Variants in MOCOS observed in about 807,000 individuals in gnomAD.
MOCOS encodes molybdenum cofactor sulfurase, also known as human molybdenum cofactor sulfurase.
A neutral mutation model predicts 83.6 loss-of-function variants in MOCOS; 86 were observed. That is an observed-to-expected ratio of 1.03 (90% CI 0.86 to 1.23). MOCOS has a LOEUF of 1.23. Ranked by LOEUF, MOCOS falls within the 50% of genes most tolerant of loss-of-function variation. The probability of loss-of-function intolerance (pLI) is 0.00; values close to 1 mark genes in which losing one functional copy is unlikely to be tolerated. For synonymous variants in MOCOS, 445 were observed against 434.7 expected (o/e 1.02, Z -0.29); for missense variants, 1,120 against 1,126.9 (o/e 0.99, Z 0.09).
chr18:36,254,595 G>A (rs1186869545), intron 11 of MOCOS, among the ~76,000 whole-genome samples: 5 of 148,692 alleles, frequency 3.4e-5, no homozygotes, highest in Admixed American at 3.4e-4. Flanking sequence ...ATGTGTGTGT[G>A]TATATATATA....
At chr18:36,210,538 T>G (rs2091450795) in intron 6 of MOCOS, among the ~76,000 whole-genome samples, 2 of 152,100 alleles carry the variant, frequency 1.3e-5, no homozygotes, top group Admixed American at 1.3e-4. Flanking sequence ...ATTGGTAACA[T>G]AAGTTTTATT....
intron 9 of MOCOS, among the ~76,000 whole-genome samples, chr18:36,243,749 CTTTT>C (rs1010990277): frequency 2.6e-5 from 4 of 152,032 alleles, no homozygotes; most frequent in African/African-American, 9.7e-5. Flanking sequence ...TGGTCCTGGA[CTTTT>C]TTTATGTTGG....
Position 36,214,829 on chromosome 18 carries a change from G to A in MOCOS, c.1336-687G>A, listed in dbSNP as rs377725553. 1.8e-4 allele frequency among the ~76,000 whole-genome samples: 27 copies of A among 152,302 alleles called. No individual in the cohort carries two copies. In the East Asian group the frequency reaches 3.5e-3, roughly 20 times the overall value. On this transcript the variant is annotated intron_variant, in intron 7 of 14. Coordinates refer to ENST00000261326, the MANE Select transcript of MOCOS (RefSeq NM_017947.4). ...GATAGAATATTTGGTCCTATGGAACGCTGTGGCTCCATTTGTTCGGGTGTC... is the reference window on the plus strand; with the variant it reads ...GATAGAATATTTGGTCCTATGGAACACTGTGGCTCCATTTGTTCGGGTGTC...
chr18:36,266,727 T>A (rs1239857995), intron 13 of MOCOS, 22 bp from the exon 14 acceptor site: 1 of 1,607,302 alleles, frequency 6.2e-7, no homozygotes, highest in Non-Finnish European at 8.5e-7. Flanking sequence ...GGCAACGCTG[T>A]GTTTTCCTTC....
intron 1 of MOCOS, among the ~76,000 whole-genome samples, chr18:36,194,229 ATATG>A (rs2091377918): frequency 6.6e-6 from 1 of 152,158 alleles, no homozygotes; most frequent in African/African-American, 2.4e-5. Context: ...AATTTTATGA[ATATG>A]TTAAAAACCA....
At chr18:36,255,456 C>T (rs1369912693) in intron 11 of MOCOS, among the ~76,000 whole-genome samples, 1 of 152,172 alleles carries the variant, frequency 6.6e-6, no homozygotes, top group Non-Finnish European at 1.5e-5. Flanking sequence ...CTTTTATTTT[C>T]TCAGCTCGGA....
Position 36,198,749 on chromosome 18 carries a change from C to A in MOCOS, c.292C>A (p.Arg98Ser), listed in dbSNP as rs771446328. The A allele has an allele frequency of 2.5e-6, 4 of 1,614,102 alleles. No homozygotes were observed. Among genetic ancestry groups the A allele is most frequent in the Non-Finnish European group, 3.4e-6 (4 of 1,179,986 alleles). The change falls in exon 3 of 15, where the codon CGC becomes AGC. Residue 98 changes from arginine (R) to serine (S), a missense_variant. Arg to Ser is a moderately radical substitution (Grantham distance 110). Transcript: ENST00000261326. The part of the protein sequence containing the change: ...KLTHDTVEQV[R>S]YRILAHFHTT... ...CACCCATGACACTGTGGAGCAGGTG[C>A]GCTACAGGTAAGCATCAGGGACACC...
chr18:36,264,795 G>A (rs1404717614), intron 13 of MOCOS, among the ~76,000 whole-genome samples: 1 of 151,960 alleles, frequency 6.6e-6, no homozygotes, highest in African/African-American at 2.4e-5. Flanking sequence ...TTAGAGCTTT[G>A]TACAGTGCCA....
intron 9 of MOCOS, among the ~76,000 whole-genome samples, chr18:36,227,078 T>C (rs1363015020): frequency 6.6e-6 from 1 of 151,862 alleles, no homozygotes; most frequent in Non-Finnish European, 1.5e-5. Flanking sequence ...CTGGCTAATT[T>C]TTGTATTTTT....
chr18:36,228,476 T>A (rs1000686519), intron 9 of MOCOS, among the ~76,000 whole-genome samples: 1 of 152,142 alleles, frequency 6.6e-6, no homozygotes, highest in Non-Finnish European at 1.5e-5. Context: ...GTGGTACATA[T>A]ACACCATGGA....
intron 13 of MOCOS, among the ~76,000 whole-genome samples, chr18:36,264,159 A>G (rs986274565): frequency 2.0e-5 from 3 of 152,174 alleles, no homozygotes; most frequent in Admixed American, 2.0e-4. Context: ...AGTCTGGGTG[A>G]TAAGAGTGAA....
At chr18:36,240,292 G>T (rs1794337512) in intron 9 of MOCOS, among the ~76,000 whole-genome samples, 2 of 118,820 alleles carry the variant, frequency 1.7e-5, no homozygotes, top group Non-Finnish European at 3.4e-5. Flanking sequence ...TTTGATGATG[G>T]TGATGTACAG....
chr18:36,242,159 C>G (rs1187177528), intron 9 of MOCOS, among the ~76,000 whole-genome samples: 5 of 152,188 alleles, frequency 3.3e-5, no homozygotes. Flanking sequence ...GTGAATTTTC[C>G]AAACTCTTAT....
At chr18:36,202,642 C>T (rs2091418832) in intron 4 of MOCOS, among the ~76,000 whole-genome samples, 1 of 152,176 alleles carries the variant, frequency 6.6e-6, no homozygotes, top group African/African-American at 2.4e-5. Context: ...TAATAGATTA[C>T]AGCGGTATTA....
At chr18:36,219,584 C>A (rs2091488219) in intron 8 of MOCOS, among the ~76,000 whole-genome samples, 1 of 152,084 alleles carries the variant, frequency 6.6e-6, no homozygotes, top group Admixed American at 6.6e-5. Flanking sequence ...GAGGCTGAGG[C>A]AGGAGAATAG....
intron 1 of MOCOS, among the ~76,000 whole-genome samples, chr18:36,191,888 A>C (rs2091367755): frequency 6.6e-6 from 1 of 152,212 alleles, no homozygotes; most frequent in Admixed American, 6.5e-5. Flanking sequence ...ACAATGCCTG[A>C]CACATAGTAG....
intron 13 of MOCOS, among the ~76,000 whole-genome samples, chr18:36,262,896 C>G (rs1598596712): frequency 6.6e-6 from 1 of 152,296 alleles, no homozygotes; most frequent in East Asian, 1.9e-4. Flanking sequence ...ATCACTTGAG[C>G]TCACAAGTTT....
chr18:36,220,002 G>A (rs1451788062), intron 8 of MOCOS, 53 bp from the exon 9 acceptor site: 8 of 1,610,476 alleles, frequency 5.0e-6, no homozygotes, highest in Admixed American at 1.7e-5. Flanking sequence ...ACAAATAGGT[G>A]AAGACCAACT....
At chr18:36,215,468 C>T (rs779774111) in intron 7 of MOCOS, 48 bp from the exon 8 acceptor site, 1 of 1,564,468 alleles carries the variant, frequency 6.4e-7, no homozygotes, top group Non-Finnish European at 8.8e-7. Context: ...TCCAGTGTCT[C>T]TATGAGAAAG....
Sources: allele counts gnomAD v4.1 joint callset (sites outside exome capture counted in the v4.1 genomes callset), GRCh38; gene constraint gnomAD v4.1.1; transcripts MANE v1.5; gene names NCBI Gene and HGNC (gene_info 2026-07-23, HGNC 2026-07-21).